LCOR: variants seen among roughly 807,000 people sequenced by gnomAD.
LCOR encodes ligand dependent nuclear receptor corepressor.
A neutral mutation model predicts 64.4 loss-of-function variants in LCOR; 14 were observed. That is an observed-to-expected ratio of 0.22 (90% CI 0.14 to 0.34). The LOEUF (loss-of-function observed/expected upper bound fraction) is 0.34, where lower values mean the gene tolerates loss of function less well. Among genes scored for constraint, LCOR ranks in the 10% least tolerant of loss-of-function variants. LCOR has a pLI of 1.00. For synonymous variants in LCOR, 643 were observed against 642.5 expected (o/e 1.00, Z -0.01); for missense variants, 1,686 against 1,765.3 (o/e 0.96, Z 0.80).
intron 4 of LCOR, among the ~76,000 whole-genome samples, chr10:96,930,924 C>G (rs1477602501): frequency 1.3e-5 from 2 of 152,070 alleles, no homozygotes; most frequent in Non-Finnish European, 2.9e-5. Context: ...AAATAAGCTT[C>G]TGTTATTTAT....
At chr10:96,860,485 G>C (rs1444726432) in intron 2 of LCOR, among the ~76,000 whole-genome samples, 1 of 152,194 alleles carries the variant, frequency 6.6e-6, no homozygotes, top group African/African-American at 2.4e-5. Flanking sequence ...TTCTTTTCTA[G>C]AGCCTTTGGA....
At chr10:96,960,839 T>A (rs1375530654) in intron 7 of LCOR, 1 of 152,172 alleles carries the variant, frequency 6.6e-6, no homozygotes, top group African/African-American at 2.4e-5. Flanking sequence ...TCCAGGCTCT[T>A]TCTTCTCAGT....
chr10:96,833,049 CGG>C (rs927943300), intron 1 of LCOR: 2 of 986,132 alleles, frequency 2.0e-6, no homozygotes, highest in African/African-American at 3.5e-5. Flanking sequence ...GTCATGGCCG[CGG>C]GGGGCAGCGG....
intron 2 of LCOR, among the ~76,000 whole-genome samples, chr10:96,901,048 G>A (rs552512192): frequency 5.1e-4 from 78 of 152,020 alleles, no homozygotes; most frequent in African/African-American, 1.9e-3. Context: ...AATTAGTCAG[G>A]CGTGGTGGCG....
At chr10:96,908,332 T>G (rs1446222170) in intron 4 of LCOR, among the ~76,000 whole-genome samples, 2 of 152,182 alleles carry the variant, frequency 1.3e-5, no homozygotes, top group Non-Finnish European at 2.9e-5. Context: ...GCAGAATAAT[T>G]AATTGTCTCA....
intron 2 of LCOR, among the ~76,000 whole-genome samples, chr10:96,864,917 C>T (rs888638822): frequency 1.3e-5 from 2 of 152,136 alleles, no homozygotes; most frequent in South Asian, 2.1e-4. Context: ...ATTTCTCAGA[C>T]CATATCCTTG....
At chr10:96,970,569 C>T (rs1847989792) in intron 7 of LCOR, among the ~76,000 whole-genome samples, 1 of 151,308 alleles carries the variant, frequency 6.6e-6, no homozygotes, top group Admixed American at 6.6e-5. Flanking sequence ...CAGCTACAGC[C>T]TATTAATGGA....
intron 5 of LCOR, among the ~76,000 whole-genome samples, chr10:96,946,156 C>G (rs570421317): frequency 1.0e-3 from 152 of 151,958 alleles, no homozygotes; most frequent in Non-Finnish European, 2.0e-3. Flanking sequence ...AGATATAATC[C>G]TCTTGTAACC....
At chr10:96,834,167 T>G (rs1236475544) in intron 2 of LCOR, among the ~76,000 whole-genome samples, 2 of 152,240 alleles carry the variant, frequency 1.3e-5, no homozygotes, top group African/African-American at 4.8e-5. Context: ...AGCGTGAGTT[T>G]CGTTAAGGAT....
At chr10:96,948,675 G>T (rs565953018) in intron 5 of LCOR, among the ~76,000 whole-genome samples, 12 of 152,300 alleles carry the variant, frequency 7.9e-5, no homozygotes, top group Non-Finnish European at 1.2e-4. Context: ...CTATAGGTGT[G>T]TTAACATGAG....
chr10:96,978,407 T>C (rs996405326), intron 7 of LCOR, among the ~76,000 whole-genome samples: 17 of 152,360 alleles, frequency 1.1e-4, no homozygotes, highest in Non-Finnish European at 1.6e-4. Context: ...AAGTACTCAA[T>C]AGGTTTTTTC....
chr10:96,989,923 G>A lies in LCOR; in HGVS notation c.*4789G>A, dbSNP rs1848184758. 1 of 151,256 alleles carries A rather than the reference G, an allele frequency of 6.6e-6. No homozygotes were observed. Among genetic ancestry groups the A allele is most frequent in the South Asian group, 2.1e-4 (1 of 4,792 alleles). 9.4% of individuals were successfully genotyped at this position (151,256 alleles called of 1,614,324 possible). On this transcript the variant is annotated 3_prime_UTR_variant, in exon 8 of 8. Coordinates refer to ENST00000421806, the MANE Select transcript of LCOR (RefSeq NM_001346516.2). Reference sequence around the variant, plus strand: ...TTTTTGTCAGTGGCCCCAAATCACTGATCGTTTTAGTTGTTTTGAAACAAT... The same window carrying A: ...TTTTTGTCAGTGGCCCCAAATCACTAATCGTTTTAGTTGTTTTGAAACAAT...
At chr10:96,860,945 T>C (rs1398438345) in intron 2 of LCOR, among the ~76,000 whole-genome samples, 2 of 152,216 alleles carry the variant, frequency 1.3e-5, no homozygotes, top group African/African-American at 4.8e-5. Flanking sequence ...GGCAGTTAGC[T>C]GTTGAGGTAA....
In LCOR at chr10:96,889,769, T is replaced by A. The variant is rs992641352; in HGVS notation, c.-329-17496T>A. On this transcript the variant is annotated intron_variant, in intron 2 of 7. Transcript: ENST00000421806. ...TGAATAATATTCCATTGGATGGCTGTACTCCATTTTGTTTATCCACTCTTT... is the reference window on the plus strand; with the variant it reads ...TGAATAATATTCCATTGGATGGCTGAACTCCATTTTGTTTATCCACTCTTT... Among the ~76,000 whole-genome samples, 48 of 152,270 alleles carry A rather than the reference T, an allele frequency of 3.2e-4. 1 individual carries two copies.
Position 96,981,623 on chromosome 10 carries a change from C to T in LCOR, c.1163C>T (p.Ala388Val). Residue 388 changes from alanine (A) to valine (V), a missense_variant, in exon 8 of 8, where the codon GCA becomes GTA. This residue lies in a region of LCOR where 313 missense variants were observed against 247.2 expected (regional missense o/e 1.27). Coordinates refer to ENST00000421806, the MANE Select transcript of LCOR (RefSeq NM_001346516.2). ...RQDLEANEQDARPKQENHLHS... is the reference protein window; with the variant it reads ...RQDLEANEQDVRPKQENHLHS... ...GATTTAGAGGCAAATGAACAAGATG[C>T]AAGGCCAAAGCAAGAGAACCATCTT... 1.2e-6 allele frequency: 2 copies of T among 1,614,162 alleles called. No individual in the cohort carries two copies. Among genetic ancestry groups the T allele is most frequent in the Non-Finnish European group, 1.7e-6 (2 of 1,180,038 alleles).
intron 4 of LCOR, among the ~76,000 whole-genome samples, chr10:96,932,975 C>G (rs1035487861): frequency 6.6e-6 from 1 of 152,128 alleles, no homozygotes; most frequent in Non-Finnish European, 1.5e-5. Context: ...GGAACAAATT[C>G]ATTAAAATGC....
At chr10:96,904,561 A>C (rs1267443531) in intron 2 of LCOR, among the ~76,000 whole-genome samples, 1 of 152,180 alleles carries the variant, frequency 6.6e-6, no homozygotes, top group African/African-American at 2.4e-5. Flanking sequence ...CTCAACCTTG[A>C]GACTAGTTGT....
rs965012744 is a variant in LCOR, at chr10:96,992,163, T to C, written c.*7029T>C. ...TTAGAGTCACTATAGCTTAAGGTTA[T>C]TGATTTCACTAGTGTGGTTTCTGCA... On this transcript the variant is annotated 3_prime_UTR_variant, in exon 8 of 8. Coordinates refer to ENST00000421806, the MANE Select transcript of LCOR (RefSeq NM_001346516.2). 1 of 152,188 alleles carries C rather than the reference T, an allele frequency of 6.6e-6. No homozygotes were observed. The highest frequency in any genetic ancestry group is 2.4e-5 in the African/African-American group (1 of 41,442). 9.4% of individuals were successfully genotyped at this position (152,188 alleles called of 1,614,324 possible). A position where few individuals can be genotyped will look rare whatever the true frequency, so the allele number is the denominator to read the frequency against.
chr10:96,837,870 C>T (rs554586270), intron 2 of LCOR, among the ~76,000 whole-genome samples: 16 of 152,328 alleles, frequency 1.1e-4, no homozygotes, highest in South Asian at 4.1e-4. Flanking sequence ...GCCTCTGAAC[C>T]TCTCTCTTAA....
Sources: allele counts gnomAD v4.1 joint callset (sites outside exome capture counted in the v4.1 genomes callset), GRCh38; gene constraint gnomAD v4.1.1; regional missense constraint gnomAD v4.1.1; transcripts MANE v1.5; gene names NCBI Gene and HGNC (gene_info 2026-07-23, HGNC 2026-07-21).